TASOR2: variants seen among roughly 807,000 people sequenced by gnomAD.
TASOR2 encodes transcription activation suppressor family member 2, also known as protein TASOR 2.
In TASOR2, 84 loss-of-function variants were observed where a neutral mutation model predicts 199.5. The ratio of observed to expected loss-of-function variants is 0.42; its 90% confidence interval spans 0.35 to 0.50. TASOR2 has a LOEUF of 0.50. Ranked by LOEUF, TASOR2 falls within the 20% of genes least tolerant of loss-of-function variation. TASOR2 has a pLI of 0.02. For synonymous variants in TASOR2, 1,103 were observed against 1,046.6 expected (o/e 1.05, Z -1.04); for missense variants, 2,796 against 2,835.9 (o/e 0.99, Z 0.32).
At position 5,736,054 on chromosome 10, in the gene TASOR2, C is replaced by A. The variant is rs186923842; in HGVS notation, c.1447+508C>A. Among the ~76,000 whole-genome samples, 711 of 152,296 alleles carry A rather than the reference C, an allele frequency of 4.7e-3. 6 individuals carry two copies. The highest frequency in any genetic ancestry group is 0.016 in the African/African-American group (667 of 41,554). On this transcript the variant is annotated intron_variant, in intron 12 of 20. Coordinates refer to ENST00000328090, the Ensembl canonical transcript of TASOR2. Reference sequence around the variant, plus strand: ...CTGGGCTCAAGGGCTCCTCCCACCTCAGCCCCCTCAAATAGCTGGGACTAC... The same window carrying A: ...CTGGGCTCAAGGGCTCCTCCCACCTAAGCCCCCTCAAATAGCTGGGACTAC...
chr10:5,750,206 T>C lies in TASOR2; in HGVS notation c.6606+179T>C, dbSNP rs771579941. On this transcript the variant is annotated intron_variant, in intron 15 of 20. Coordinates refer to ENST00000328090, the Ensembl canonical transcript of TASOR2. The surrounding 1 kb of genome is among the most constrained non-coding windows in gnomAD (Gnocchi z 5.4). ...CCTGCAGGATCTGCCATTTGTACTA[T>C]ATTTGAAAATTAGTATTATGTTCCA... Among the ~76,000 whole-genome samples, 13 of 152,250 alleles carry C rather than the reference T, an allele frequency of 8.5e-5. No homozygotes were observed. The highest frequency in any genetic ancestry group is 2.6e-4 in the Admixed American group (4 of 15,286).
At position 5,742,608 on chromosome 10, in the gene TASOR2, A is replaced by C; in HGVS notation, c.2757+82A>C. The C allele has an allele frequency of 7.4e-7, 1 of 1,347,994 alleles. No individual in the cohort carries two copies. The highest frequency in any genetic ancestry group is 1.0e-6 in the Non-Finnish European group (1 of 980,294). The allele number at this position is 1,347,994 out of a possible 1,614,324, so 83.5% of individuals were successfully genotyped here. A position where few individuals can be genotyped will look rare whatever the true frequency, so the allele number is the denominator to read the frequency against. On this transcript the variant is annotated intron_variant, in intron 14 of 20. Coordinates refer to ENST00000328090, the Ensembl canonical transcript of TASOR2. The surrounding 1 kb of genome is among the most constrained non-coding windows in gnomAD (Gnocchi z 4.2). ...TATATGTAAAATCACATTCAAAACA[A>C]GGCATTTTTAAATTTTAGGACAGTG...
In TASOR2 at chr10:5,752,002, A is replaced by G. The variant is rs946021269; in HGVS notation, c.6606+1975A>G. 2.7e-5 allele frequency among the ~76,000 whole-genome samples: 4 copies of G among 148,476 alleles called. No homozygotes were observed. Among genetic ancestry groups the G allele is most frequent in the Non-Finnish European group, 5.9e-5 (4 of 67,246 alleles). On this transcript the variant is annotated intron_variant, in intron 15 of 20. Transcript: ENST00000328090. The surrounding 1 kb of genome is among the most constrained non-coding windows in gnomAD (Gnocchi z 4.4). ...TGTCCCTCCCAAGTCCCCCTCCCCCATCCTCCTCCCAACCCCAGGTATAAT... is the reference window on the plus strand; with the variant it reads ...TGTCCCTCCCAAGTCCCCCTCCCCCGTCCTCCTCCCAACCCCAGGTATAAT...
Position 5,706,049 on chromosome 10 carries a change from G to A in TASOR2, c.-287-6774G>A, listed in dbSNP as rs1838551878. Reference sequence around the variant, plus strand: ...TGATTCATTTTGAGTTAAATTTTATGGTTTAAGGTAGAGGTTTGAGGTTCA... The same window carrying A: ...TGATTCATTTTGAGTTAAATTTTATAGTTTAAGGTAGAGGTTTGAGGTTCA... On this transcript the variant is annotated intron_variant, in intron 1 of 20. Transcript: ENST00000328090. The surrounding 1 kb of genome is among the most constrained non-coding windows in gnomAD (Gnocchi z 4.8). Among the ~76,000 whole-genome samples, 1 of 151,960 alleles carries A rather than the reference G, an allele frequency of 6.6e-6. No individual in the cohort carries two copies. The highest frequency in any genetic ancestry group is 1.5e-5 in the Non-Finnish European group (1 of 67,974).
chr10:5,758,670 G>A (rs1046289317), intron 17 of TASOR2, among the ~76,000 whole-genome samples: 3 of 152,224 alleles, frequency 2.0e-5, no homozygotes, highest in African/African-American at 7.2e-5. Context: ...TGTCTACAGA[G>A]TTATCTCCCA....
rs1358723864 is a variant in TASOR2, at chr10:5,752,962, C to T, written c.6606+2935C>T. ...TGGAAAGGTTCTGTTAGGTTTTTTC[C>T]TCCTAACCACTAGACCGCCAGAGAT... On this transcript the variant is annotated intron_variant, in intron 15 of 20. Coordinates refer to ENST00000328090, the Ensembl canonical transcript of TASOR2. The surrounding 1 kb of genome is among the most constrained non-coding windows in gnomAD (Gnocchi z 4.4). Among the ~76,000 whole-genome samples the T allele has an allele frequency of 6.6e-6, 1 of 152,156 alleles. No individual in the cohort carries two copies. The highest frequency in any genetic ancestry group is 1.5e-5 in the Non-Finnish European group (1 of 68,030).
In TASOR2 at chr10:5,751,379, G is replaced by A. The variant is rs1040643261; in HGVS notation, c.6606+1352G>A. Among the ~76,000 whole-genome samples, 12 of 152,250 alleles carry A rather than the reference G, an allele frequency of 7.9e-5. No homozygotes were observed. The highest frequency in any genetic ancestry group is 2.1e-4 in the South Asian group (1 of 4,818). The stretch of plus-strand genomic sequence containing the variant: ...CTTCTGCATTTATTAGTTGGTATTC[G>A]GCTGTAGAATAGAGCTTTCCCTTAT... On this transcript the variant is annotated intron_variant, in intron 15 of 20. Coordinates refer to ENST00000328090, the Ensembl canonical transcript of TASOR2. This position sits in a 1 kb window ranked among gnomAD's most constrained non-coding sequence, Gnocchi z 5.3.
rs774079515 is a variant in TASOR2, at chr10:5,746,362, T to TA, written c.2942dup (p.Tyr981Ter). ...TACTCAAGCCACATTCACCAGGACT[T>TA]ACGATGGGCCTGGCAGTCAGCCAGT... The change falls in exon 15 of 21, where the codon TAC becomes TAAC. Residue 981 changes from tyrosine (Y) to a stop codon, truncating the protein, a stop_gained and frameshift_variant. Transcript: ENST00000328090. LOFTEE classifies it high-confidence loss of function. 2 of 1,614,134 alleles carry TA rather than the reference T, an allele frequency of 1.2e-6. No individual in the cohort carries two copies. The highest frequency in any genetic ancestry group is 1.7e-6 in the Non-Finnish European group (2 of 1,179,974).
At position 5,743,710 on chromosome 10, in the gene TASOR2, A is replaced by C. The variant is rs919325018; in HGVS notation, c.2757+1184A>C. The C allele has an allele frequency of 5.3e-5, 8 of 152,364 alleles. No individual in the cohort carries two copies. The East Asian group carries it at 1.2e-3, about 22-fold the overall frequency. 9.4% of individuals were successfully genotyped at this position (152,364 alleles called of 1,614,324 possible). A position where few individuals can be genotyped will look rare whatever the true frequency, so the allele number is the denominator to read the frequency against. Reference sequence around the variant, plus strand: ...GAGATTTAAATTAATACATATATACATGCTAGTTTCTTATAAAATACCATT... The same window carrying C: ...GAGATTTAAATTAATACATATATACCTGCTAGTTTCTTATAAAATACCATT... On this transcript the variant is annotated intron_variant, in intron 14 of 20. Coordinates refer to ENST00000328090, the Ensembl canonical transcript of TASOR2.
exon 15 of TASOR2, chr10:5,746,569 G>A: frequency 6.2e-7 from 1 of 1,614,064 alleles, no homozygotes; most frequent in African/African-American, 1.3e-5. Context: ...GATTAACCCG[G>A]AACCAATTAC....
chr10:5,723,820 T>C (rs756575834), intron 7 of TASOR2, 43 bp downstream of exon 8: 90 of 1,352,242 alleles, frequency 6.7e-5, no homozygotes, highest in Non-Finnish European at 8.7e-5. Flanking sequence ...CTGGGCTTTG[T>C]TCTGGTTATT....
chr10:5,753,266 T>C (rs1014781323), intron 15 of TASOR2, among the ~76,000 whole-genome samples: 4 of 152,228 alleles, frequency 2.6e-5, no homozygotes, highest in Admixed American at 6.5e-5. Context: ...TAACTATGAC[T>C]GTAAATGTTT....
In TASOR2 at chr10:5,712,932, G is replaced by A. The variant is rs1391577216; in HGVS notation, c.-192+14G>A. 1.1e-5 allele frequency: 13 copies of A among 1,188,614 alleles called. No individual in the cohort carries two copies. Among genetic ancestry groups the A allele is most frequent in the Non-Finnish European group, 1.4e-5 (13 of 948,764 alleles). 73.6% of individuals were successfully genotyped at this position (1,188,614 alleles called of 1,614,324 possible). ...ACTGAAAAGCAGGTAAGGGAATTAG[G>A]TTGTAGAAAATTAATGGTATCATTA... On this transcript the variant is annotated intron_variant, in intron 2 of 20. Transcript: ENST00000328090.
At chr10:5,712,764 T>C in intron 1 of TASOR2, 59 bp from the exon 2 acceptor site, 2 of 958,408 alleles carry the variant, frequency 2.1e-6, no homozygotes, top group Non-Finnish European at 2.7e-6. Flanking sequence ...TTTTTAAAAA[T>C]TTGCAAGACA....
intron 1 of TASOR2, among the ~76,000 whole-genome samples, chr10:5,705,125 A>G (rs1588641378): frequency 6.6e-6 from 1 of 152,224 alleles, no homozygotes; most frequent in East Asian, 1.9e-4. Context: ...CACCCCAGAA[A>G]GTTCCCTTGT....
In TASOR2 at chr10:5,735,315, C is replaced by G. The variant is rs1263437029; in HGVS notation, c.1216C>G (p.Leu406Val). 5 of 1,613,598 alleles carry G rather than the reference C, an allele frequency of 3.1e-6. No homozygotes were observed. The African/African-American group carries it at 5.3e-5, about 17-fold the overall frequency. ...CTTTTCTACATAAGGTGCGGAAGTG[C>G]TGACTGCACAGTTTGTACAGAAAAC... Residue 406 changes from leucine to valine, a missense_variant, in exon 12 of 21, where the codon CTG becomes GTG. Transcript: ENST00000328090.
At chr10:5,725,216 G>A (rs1421077431) in intron 8 of TASOR2, among the ~76,000 whole-genome samples, 1 of 151,752 alleles carries the variant, frequency 6.6e-6, no homozygotes, top group Non-Finnish European at 1.5e-5. Flanking sequence ...TGACTAACAT[G>A]GTGAAACCCT....
chr10:5,716,871 A>G (rs1588697233), intron 2 of TASOR2, among the ~76,000 whole-genome samples: 3 of 151,110 alleles, frequency 2.0e-5, no homozygotes, highest in East Asian at 3.9e-4. Context: ...GCCGAGATCA[A>G]CAGAGCGAGA....
rs1588771336 is a variant in TASOR2, at chr10:5,730,458, G to T, written c.488-29G>T. ...TTTTGTTTTTAAAAAATAAACTTCAGATGTTTAATACGTGTGTATATATTC... is the reference window on the plus strand; with the variant it reads ...TTTTGTTTTTAAAAAATAAACTTCATATGTTTAATACGTGTGTATATATTC... On this transcript the variant is annotated intron_variant, in intron 10 of 20. Coordinates refer to ENST00000328090, the Ensembl canonical transcript of TASOR2. This position sits in a 1 kb window ranked among gnomAD's most constrained non-coding sequence, Gnocchi z 4.1. 7.0e-7 allele frequency: 1 copy of T among 1,436,778 alleles called. No individual in the cohort carries two copies. The highest frequency in any genetic ancestry group is 9.3e-7 in the Non-Finnish European group (1 of 1,075,440). The allele number at this position is 1,436,778 out of a possible 1,614,324, so 89.0% of individuals were successfully genotyped here. A position where few individuals can be genotyped will look rare whatever the true frequency, so the allele number is the denominator to read the frequency against.
Sources: gnomAD v4.1 joint callset for allele counts (sites outside exome capture counted in the v4.1 genomes callset) on GRCh38, gnomAD v4.1.1 for gene constraint, Gnocchi (gnomAD v3.1) non-coding constraint, MANE v1.5 for transcripts, NCBI Gene and HGNC (gene_info 2026-07-23, HGNC 2026-07-21) for gene names.